The following EIF2B3 variants were observed in gnomAD, a reference collection of about 807,000 sequenced individuals.
The protein encoded by EIF2B3 is translation initiation factor eIF2B subunit gamma.
Under a neutral mutation model 54.1 loss-of-function variants are expected in EIF2B3, and 20 were observed. The observed-to-expected ratio is 0.37, with a 90% CI of 0.26 to 0.54. EIF2B3 has a LOEUF of 0.54. Ranked by LOEUF, EIF2B3 falls within the 20% of genes least tolerant of loss-of-function variation. The pLI, the probability that EIF2B3 is intolerant of heterozygous loss-of-function variation, is 0.86. For missense variants in EIF2B3, 448 were observed against 547.8 expected (o/e 0.82, Z 1.82); for synonymous variants, 153 against 188.1 (o/e 0.81, Z 1.52).
At chr1:44,956,335 A>G (rs1644224562) in intron 3 of EIF2B3, among the ~76,000 whole-genome samples, 1 of 152,092 alleles carries the variant, frequency 6.6e-6, no homozygotes, top group African/African-American at 2.4e-5. Context: ...GGACATAGGG[A>G]GAGGAACATC....
intron 3 of EIF2B3, among the ~76,000 whole-genome samples, chr1:44,954,949 T>G (rs1644206283): frequency 1.3e-5 from 2 of 152,182 alleles, no homozygotes; most frequent in Admixed American, 6.5e-5. Context: ...TGAATTTTAT[T>G]GAAGGCTTTT....
intron 3 of EIF2B3, among the ~76,000 whole-genome samples, chr1:44,963,710 C>T (rs184214480): frequency 4.5e-4 from 68 of 152,282 alleles, no homozygotes; most frequent in African/African-American, 1.5e-3. Context: ...TTCCACTACT[C>T]GGGCTGTAAT....
intron 3 of EIF2B3, among the ~76,000 whole-genome samples, chr1:44,976,980 T>C (rs1644459299): frequency 6.6e-6 from 1 of 152,220 alleles, no homozygotes; most frequent in Admixed American, 6.5e-5. Flanking sequence ...ATTTAGTATC[T>C]GTGCATTTTA....
intron 5 of EIF2B3, among the ~76,000 whole-genome samples, chr1:44,923,896 T>C (rs775455451): frequency 6.6e-6 from 1 of 151,028 alleles, no homozygotes; most frequent in Non-Finnish European, 1.5e-5. Flanking sequence ...CTCAACCTCC[T>C]AGGCTCAAGC....
chr1:44,932,538 G>C (rs1039776198), intron 4 of EIF2B3: 1 of 152,154 alleles, frequency 6.6e-6, no homozygotes, highest in African/African-American at 2.4e-5. Flanking sequence ...CTGGTGACTA[G>C]TTAGTAACAA....
At chr1:44,926,559 A>C (rs28584405) in intron 5 of EIF2B3, 69 bp downstream of exon 5, 9 of 1,221,794 alleles carry the variant, frequency 7.4e-6, no homozygotes, top group Non-Finnish European at 1.1e-5. Flanking sequence ...CCTCTTTCCC[A>C]TCCACTGGGT....
intron 2 of EIF2B3, among the ~76,000 whole-genome samples, chr1:44,980,207 G>A (rs1383481976): frequency 2.6e-5 from 4 of 152,106 alleles, no homozygotes; most frequent in Non-Finnish European, 4.4e-5. Context: ...GCTCATGCCT[G>A]TAATCCCAGC....
At chr1:44,940,498 T>C (rs1557695752) in intron 4 of EIF2B3, 1 of 152,196 alleles carries the variant, frequency 6.6e-6, no homozygotes, top group Non-Finnish European at 1.5e-5. Flanking sequence ...CTGGGCACAG[T>C]GGCTCATGCC....
At chr1:44,916,364 G>A (rs931107935) in intron 5 of EIF2B3, among the ~76,000 whole-genome samples, 1 of 151,880 alleles carries the variant, frequency 6.6e-6, no homozygotes, top group Non-Finnish European at 1.5e-5. Flanking sequence ...TGGGACTACA[G>A]GGATACACCA....
At chr1:44,938,898 G>A (rs1368862252) in intron 4 of EIF2B3, among the ~76,000 whole-genome samples, 2 of 151,826 alleles carry the variant, frequency 1.3e-5, no homozygotes, top group Non-Finnish European at 2.9e-5. Context: ...TCAAGAGTTC[G>A]AGGCCAGCCT....
intron 3 of EIF2B3, among the ~76,000 whole-genome samples, chr1:44,971,370 C>A (rs1225419396): frequency 5.2e-4 from 56 of 107,546 alleles, no homozygotes; most frequent in African/African-American, 2.1e-3. Context: ...ACTCCGTCTC[C>A]AGAAAAAAAA....
rs115758581 is a variant in EIF2B3 at position 44,930,409 on chromosome 1, T to C, written c.455-3670A>G. Among the ~76,000 whole-genome samples, 741 of 152,364 alleles carry C rather than the reference T, an allele frequency of 4.9e-3. 3 individuals are homozygous for C. The highest frequency in any genetic ancestry group is 0.017 in the African/African-American group (716 of 41,588). On this transcript the variant is annotated intron_variant, in intron 4 of 11. Transcript: ENST00000360403. ...CTATCCAAAGGTAAGGTTAGTTCCC[T>C]ATCCTTTATATCTGGGCTTGCTCCA... is the stretch of plus-strand genomic sequence containing the variant.
In EIF2B3 at chr1:44,861,703, T is replaced by C. The variant is rs113141210; in HGVS notation, c.1203-3896A>G. Among the ~76,000 whole-genome samples the C allele has an allele frequency of 2.5e-3, 387 of 152,216 alleles. 2 individuals are homozygous for C. Among genetic ancestry groups the C allele is most frequent in the African/African-American group, 8.9e-3 (368 of 41,538 alleles). On this transcript the variant is annotated intron_variant, in intron 10 of 11. Transcript: ENST00000360403. ...GATGTGTAGCTCTTTCTGAGACACA[T>C]AAACCACTGCTGTGGAGCCTGCGGA...
Position 44,957,952 on chromosome 1 carries a change from AC to A in EIF2B3, c.295-16288del, listed in dbSNP as rs1173644544. On this transcript the variant is annotated intron_variant, in intron 3 of 11. Coordinates refer to ENST00000360403, the MANE Select transcript of EIF2B3 (RefSeq NM_020365.5). ...GCTACACATGCAGTTTTATCCTTTG[AC>A]CCAGTAATCCCACTTGTAAGAATTT... 5.3e-5 allele frequency among the ~76,000 whole-genome samples: 8 copies of A among 152,312 alleles called. No homozygotes were observed. In the East Asian group the frequency reaches 1.5e-3, roughly 29 times the overall value.
intron 5 of EIF2B3, among the ~76,000 whole-genome samples, chr1:44,919,718 T>G (rs1643698089): frequency 6.9e-6 from 1 of 144,764 alleles, no homozygotes; most frequent in Admixed American, 6.9e-5. Context: ...GAATGTCCTT[T>G]TTTTTTTTTT....
chr1:44,870,285 C>T (rs910858082), intron 10 of EIF2B3, among the ~76,000 whole-genome samples: 6 of 152,156 alleles, frequency 3.9e-5, no homozygotes, highest in Admixed American at 1.3e-4. Context: ...GCTCTAACCA[C>T]AAACTGAATA....
At chr1:44,870,656 G>GTT (rs112585793) in intron 10 of EIF2B3, among the ~76,000 whole-genome samples, 232 of 143,430 alleles carry the variant, frequency 1.6e-3, no homozygotes, top group African/African-American at 4.1e-3. Context: ...CAGTTCTCAG[G>GTT]TTTTTTTTTT....
At position 44,910,131 on chromosome 1, in the gene EIF2B3, T is replaced by A. The variant is rs544809426; in HGVS notation, c.567-12687A>T. ...TAACATTGGGGAAAAGCTACATGAT[T>A]TTCTTATTAAATATTTGGCACAAAT... On this transcript the variant is annotated intron_variant, in intron 5 of 11. Coordinates refer to ENST00000360403, the MANE Select transcript of EIF2B3 (RefSeq NM_020365.5). Among the ~76,000 whole-genome samples the A allele has an allele frequency of 6.6e-5, 10 of 152,314 alleles. 1 individual carries two copies. In the South Asian group the frequency reaches 2.1e-3, roughly 32 times the overall value.
At chr1:44,949,233 A>G (rs1181614837) in intron 3 of EIF2B3, among the ~76,000 whole-genome samples, 2 of 152,148 alleles carry the variant, frequency 1.3e-5, no homozygotes, top group Admixed American at 1.3e-4. Context: ...TTCCTACTCT[A>G]TTATATATTT....
Sources: allele counts gnomAD v4.1 joint callset (sites outside exome capture counted in the v4.1 genomes callset), GRCh38; gene constraint gnomAD v4.1.1; transcripts MANE v1.5; gene names NCBI Gene and HGNC (gene_info 2026-07-23, HGNC 2026-07-21).